GLDC: variants seen among roughly 807,000 people sequenced by gnomAD.
GLDC encodes glycine decarboxylase.
GLDC carries 104 observed loss-of-function variants against 121.3 expected under a neutral mutation model. The observed-to-expected ratio is 0.86, with a 90% CI of 0.73 to 1.01. The LOEUF is 1.01. GLDC is among the 50% of genes least tolerant of loss of function. The probability of loss-of-function intolerance (pLI) is 0.00; values close to 1 mark genes in which losing one functional copy is unlikely to be tolerated. For synonymous variants in GLDC, 546 were observed against 480.6 expected, an observed-to-expected ratio of 1.14 and a Z score of -1.78; for missense variants, 1,429 against 1,306.6, an observed-to-expected ratio of 1.09 and a Z score of -1.44.
intron 15 of GLDC, among the ~76,000 whole-genome samples, chr9:6,568,564 C>T (rs1487049671): frequency 6.6e-6 from 1 of 152,142 alleles, no homozygotes. Flanking sequence ...CAAGGCCCTC[C>T]ATGCCGGGCG....
chr9:6,593,313 GA>G (rs1818416640), intron 9 of GLDC, among the ~76,000 whole-genome samples: 1 of 146,560 alleles, frequency 6.8e-6, no homozygotes, highest in Non-Finnish European at 1.5e-5. Flanking sequence ...TTTTTTGAGA[GA>G]TACAGTCTCA....
chr9:6,645,322 G>A lies in GLDC; in HGVS notation c.178C>T (p.His60Tyr). ...ATGTGCCTCCGAGCGAAGTCGTCGT[G>A]TCTGGGCAGAAGGCGCTCCAGGAGG... is the stretch of plus-strand genomic sequence containing the variant. The part of the protein sequence containing the change: ...SRLLERLLPR[H>Y]DDFARRHIGP... Residue 60 changes from histidine (H) to tyrosine (Y), a missense_variant, in exon 1 of 25, where the codon CAC (histidine) becomes TAC (tyrosine). Transcript: ENST00000321612. The A allele has an allele frequency of 6.3e-7, 1 of 1,585,822 alleles. No individual in the cohort carries two copies. Among genetic ancestry groups the A allele is most frequent in the Non-Finnish European group, 8.6e-7 (1 of 1,168,252 alleles).
chr9:6,616,124 T>C (rs996409438), intron 3 of GLDC, among the ~76,000 whole-genome samples: 5 of 152,218 alleles, frequency 3.3e-5, no homozygotes, highest in Admixed American at 6.5e-5. Flanking sequence ...CAATGACCCA[T>C]TGGCTCTTGA....
At chr9:6,561,278 C>CT (rs1202506802) in intron 16 of GLDC, among the ~76,000 whole-genome samples, 20 of 152,208 alleles carry the variant, frequency 1.3e-4, no homozygotes, top group African/African-American at 4.6e-4. Context: ...ATGTTGCTGT[C>CT]AGACATTTCT....
rs775573191 is a variant in GLDC, at chr9:6,610,183, G to A, written c.635+9C>T. The A allele has an allele frequency of 1.2e-6, 2 of 1,603,668 alleles. No homozygotes were observed. The highest frequency in any genetic ancestry group is 1.1e-5 in the South Asian group (1 of 89,438). The stretch of plus-strand genomic sequence containing the variant: ...AACTGGAATTCCAGCACTTTGAGAG[G>A]CCTCTCACCTGTAGCACAGCTGCAG... On this transcript the variant is annotated intron_variant, in intron 4 of 24. Transcript: ENST00000321612.
chr9:6,552,933 C>CCA (rs1216419043), intron 20 of GLDC, among the ~76,000 whole-genome samples: 9 of 151,684 alleles, frequency 5.9e-5, no homozygotes, highest in South Asian at 4.2e-4. Context: ...CCTCTGGCCC[C>CCA]CCCCAAGAAA....
intron 8 of GLDC, 25 bp downstream of exon 8, chr9:6,602,084 T>C (rs1818622008): frequency 2.3e-6 from 3 of 1,323,132 alleles, no homozygotes; most frequent in Non-Finnish European, 3.3e-6. Context: ...AGGCATTCAG[T>C]AGTCAGGTCA....
chr9:6,620,305 G>C lies in GLDC; in HGVS notation c.349C>G (p.Leu117Val). The C allele has an allele frequency of 1.2e-6, 2 of 1,613,526 alleles. No individual in the cohort carries two copies. The highest frequency in any genetic ancestry group is 1.1e-5 in the South Asian group (1 of 91,074). The change falls in exon 3 of 25, where the codon CTT becomes GTT. Residue 117 changes from leucine to valine, a missense_variant. Transcript: ENST00000321612. ...MEDPVCENEILATLHAISSKN... is the reference protein window; with the variant it reads ...MEDPVCENEIVATLHAISSKN... ...CTTGAAATGGCATGCAGAGTTGCAA[G>C]GATTTCATTTTCACCTAATTGTGGG... is the stretch of plus-strand genomic sequence containing the variant.
chr9:6,586,689 C>A (rs143779589), intron 15 of GLDC, among the ~76,000 whole-genome samples: 1 of 152,132 alleles, frequency 6.6e-6, no homozygotes, highest in Admixed American at 6.5e-5. Context: ...AAATTCACAC[C>A]CAGGTGTTGT....
intron 11 of GLDC, among the ~76,000 whole-genome samples, chr9:6,590,908 T>A (rs1374165081): frequency 6.6e-6 from 1 of 152,230 alleles, no homozygotes; most frequent in Non-Finnish European, 1.5e-5. Flanking sequence ...TATAACCCTT[T>A]GAAGTCCTCT....
intron 16 of GLDC, among the ~76,000 whole-genome samples, chr9:6,564,959 A>T (rs1817826567): frequency 6.6e-6 from 1 of 152,262 alleles, no homozygotes; most frequent in Non-Finnish European, 1.5e-5. Context: ...GGGCTTCAGC[A>T]CAACAGGGGT....
At chr9:6,556,793 CAAAAAA>C (rs71308875) in intron 17 of GLDC, among the ~76,000 whole-genome samples, 1 of 138,506 alleles carries the variant, frequency 7.2e-6, no homozygotes, top group Non-Finnish European at 1.6e-5. Flanking sequence ...GACTCCACGT[CAAAAAA>C]AAAAAAGAAA....
Position 6,533,126 on chromosome 9 carries a change from G to T in GLDC, c.2954C>A (p.Thr985Lys). Reference sequence around the variant, plus strand: ...ATATATGTCATCAATCCGGGCAATCGTTGGCCAGAATTTGTTCTCTGGTTT... The same window carrying T: ...ATATATGTCATCAATCCGGGCAATCTTTGGCCAGAATTTGTTCTCTGGTTT... ...FVKPENKFWPTIARIDDIYGD... is the reference protein window; with the variant it reads ...FVKPENKFWPKIARIDDIYGD... The change falls in exon 25 of 25, where the codon ACG (threonine) becomes AAG (lysine). Residue 985 changes from threonine (T) to lysine (K), a missense_variant. Physicochemically the swap from Thr to Lys is moderately conservative, Grantham distance 78. Coordinates refer to ENST00000321612, the MANE Select transcript of GLDC (RefSeq NM_000170.3). The T allele has an allele frequency of 6.2e-7, 1 of 1,612,810 alleles. No individual in the cohort carries two copies. Among genetic ancestry groups the T allele is most frequent in the Non-Finnish European group, 8.5e-7 (1 of 1,178,834 alleles).
At chr9:6,571,171 T>A (rs555364091) in intron 15 of GLDC, among the ~76,000 whole-genome samples, 446 of 150,942 alleles carry the variant, frequency 3.0e-3, no homozygotes, top group African/African-American at 9.3e-3. Flanking sequence ...GCTACTTTTT[T>A]TAAAAAAAAA....
intron 9 of GLDC, among the ~76,000 whole-genome samples, chr9:6,593,317 C>T (rs1439428232): frequency 6.9e-6 from 1 of 145,978 alleles, no homozygotes; most frequent in East Asian, 2.0e-4. Flanking sequence ...TTGAGAGATA[C>T]AGTCTCACTC....
Position 6,625,103 on chromosome 9 carries a change from TACTA to T in GLDC, c.335-4788_335-4785del, listed in dbSNP as rs1305725858. Among the ~76,000 whole-genome samples the T allele has an allele frequency of 1.1e-4, 17 of 152,322 alleles. No individual in the cohort carries two copies. In the East Asian group the frequency reaches 3.3e-3, roughly 29 times the overall value. On this transcript the variant is annotated intron_variant, in intron 2 of 24. Coordinates refer to ENST00000321612, the MANE Select transcript of GLDC (RefSeq NM_000170.3). The stretch of plus-strand genomic sequence containing the variant: ...TCGACCCCAATAGCATCATTCTCTT[TACTA>T]ACTAACATTATCCTCTGGCTTAAGA...
Position 6,556,366 on chromosome 9 carries a change from C to G in GLDC, c.2053-64G>C, listed in dbSNP as rs890015060. On this transcript the variant is annotated intron_variant, in intron 17 of 24. Transcript: ENST00000321612. The stretch of plus-strand genomic sequence containing the variant: ...GATATGTTTCTTTCTTGGCCAAATC[C>G]TCGCCTTTCATTTTAAAGGATGAAG... 1.9e-5 allele frequency: 25 copies of G among 1,333,012 alleles called. No homozygotes were observed. The Admixed American group carries it at 2.2e-4, about 12-fold the overall frequency. 82.6% of individuals were successfully genotyped at this position (1,333,012 alleles called of 1,614,324 possible). A position where few individuals can be genotyped will look rare whatever the true frequency, so the allele number is the denominator to read the frequency against.
rs78216226 is a variant in GLDC, at chr9:6,558,856, G to A, written c.1927-172C>T. ...CAATTTAATTATTTGTCATTGCAAA[G>A]CAATGTCCAAAAAAAGTTTCCATAT... On this transcript the variant is annotated intron_variant, in intron 16 of 24. Transcript: ENST00000321612. Among the ~76,000 whole-genome samples, 3,203 of 152,266 alleles carry A rather than the reference G, an allele frequency of 0.021. 101 individuals carry two copies. Among genetic ancestry groups the A allele is most frequent in the African/African-American group, 0.073 (3,028 of 41,526 alleles).
At chr9:6,643,292 C>A (rs1819665158) in intron 2 of GLDC, among the ~76,000 whole-genome samples, 1 of 151,780 alleles carries the variant, frequency 6.6e-6, no homozygotes, top group Admixed American at 6.6e-5. Context: ...TGCAGGTTTT[C>A]AACGACCATC....
Sources: allele counts gnomAD v4.1 joint callset (sites outside exome capture counted in the v4.1 genomes callset), GRCh38; gene constraint gnomAD v4.1.1; transcripts MANE v1.5; gene names NCBI Gene and HGNC (gene_info 2026-07-23, HGNC 2026-07-21).